PIK3R1: variants seen among roughly 807,000 people sequenced by gnomAD.
The protein encoded by PIK3R1 is phosphoinositide-3-kinase regulatory subunit 1.
In PIK3R1, 29 loss-of-function variants were observed where a neutral mutation model predicts 98.0. The observed-to-expected ratio is 0.30, with a 90% CI of 0.22 to 0.40. The LOEUF (loss-of-function observed/expected upper bound fraction) is 0.40. PIK3R1 is among the 10% of genes least tolerant of loss of function. The pLI, the probability that PIK3R1 is intolerant of heterozygous loss-of-function variation, is 1.00. For missense variants in PIK3R1, 596 were observed against 872.7 expected (o/e 0.68, Z 3.99); for synonymous variants, 282 against 311.8 (o/e 0.90, Z 1.01).
intron 1 of PIK3R1, chr5:68,217,660 G>A (rs1193100016): frequency 6.6e-6 from 1 of 152,008 alleles, no homozygotes; most frequent in East Asian, 1.9e-4. Flanking sequence ...GTGTGCGCGC[G>A]CGTGCCTGCG....
Position 68,293,138 on chromosome 5 carries a change from G to A in PIK3R1, c.1057G>A (p.Gly353Arg), listed in dbSNP as rs766580706. The change falls in exon 9 of 16, where the codon GGG (glycine) becomes AGG (arginine). Residue 353 changes from glycine to arginine, a missense_variant. Physicochemically the swap from Gly to Arg is moderately radical, Grantham distance 125. Coordinates refer to ENST00000521381, the MANE Select transcript of PIK3R1 (RefSeq NM_181523.3). ...VNEKLRDTAD[G>R]TFLVRDASTK... is the part of the protein sequence containing the mutation. ...TGAAAAACTTCGAGATACAGCAGAC[G>A]GGACCTTTTTGGTACGAGATGCGTC... 3.1e-6 allele frequency: 5 copies of A among 1,613,728 alleles called. No individual in the cohort carries two copies. Among genetic ancestry groups the A allele is most frequent in the Non-Finnish European group, 3.4e-6 (4 of 1,179,816 alleles).
chr5:68,234,694 C>A (rs574032386), intron 2 of PIK3R1, among the ~76,000 whole-genome samples: 14 of 152,246 alleles, frequency 9.2e-5, no homozygotes, highest in African/African-American at 3.4e-4. Context: ...CTGAGAGTTC[C>A]TACAGATTTG....
At chr5:68,234,470 G>A (rs570521742) in intron 2 of PIK3R1, among the ~76,000 whole-genome samples, 1 of 152,280 alleles carries the variant, frequency 6.6e-6, no homozygotes, top group East Asian at 1.9e-4. Flanking sequence ...GGATTGTATG[G>A]GATTATTGCT....
chr5:68,257,506 G>A (rs1438048376), intron 2 of PIK3R1, among the ~76,000 whole-genome samples: 2 of 152,228 alleles, frequency 1.3e-5, no homozygotes, highest in African/African-American at 4.8e-5. Flanking sequence ...ACAGCCAGTT[G>A]GGGTGGGGAG....
rs746037555 is a variant in PIK3R1 at position 68,262,897 on chromosome 5, A to ATG, written c.335-10492_335-10491insGT. 2.7e-4 allele frequency among the ~76,000 whole-genome samples: 30 copies of ATG among 112,378 alleles called. 3 individuals are homozygous for ATG. The highest frequency in any genetic ancestry group is 5.6e-4 in the East Asian group (2 of 3,552). 73.7% of individuals were successfully genotyped at this position (112,378 alleles called of 152,430 possible). ...TAGATACATGTAGATACATGTATAC[A>ATG]TATATACATGTAGATACATGTAGAT... On this transcript the variant is annotated intron_variant, in intron 2 of 15. Coordinates refer to ENST00000521381, the MANE Select transcript of PIK3R1 (RefSeq NM_181523.3).
intron 2 of PIK3R1, among the ~76,000 whole-genome samples, chr5:68,236,551 A>G (rs946600629): frequency 1.3e-5 from 2 of 152,286 alleles, no homozygotes; most frequent in South Asian, 2.1e-4. Context: ...GCCTGGCCCT[A>G]TAACCGTTTT....
At chr5:68,239,686 C>T (rs1024546430) in intron 2 of PIK3R1, among the ~76,000 whole-genome samples, 2 of 152,130 alleles carry the variant, frequency 1.3e-5, no homozygotes, top group African/African-American at 4.8e-5. Flanking sequence ...AAAGGGGCGC[C>T]GGGGGTTAAT....
chr5:68,288,725 A>G (rs1282788307), intron 7 of PIK3R1: 5 of 1,612,820 alleles, frequency 3.1e-6, no homozygotes, highest in Non-Finnish European at 4.2e-6. Context: ...TTTCAAAGGG[A>G]AACCGTTGAA....
chr5:68,273,612 C>A, intron 3 of PIK3R1, 130 bp downstream of exon 3: 1 of 798,054 alleles, frequency 1.3e-6, no homozygotes. Flanking sequence ...CTGCTGGACA[C>A]TCAAACTGTT....
intron 1 of PIK3R1, among the ~76,000 whole-genome samples, chr5:68,217,187 G>A (rs958208064): frequency 6.6e-6 from 1 of 152,082 alleles, no homozygotes; most frequent in Non-Finnish European, 1.5e-5. Context: ...TTGTCATTTT[G>A]GTGTGATGAG....
intron 2 of PIK3R1, among the ~76,000 whole-genome samples, chr5:68,268,231 G>A (rs1231066431): frequency 1.3e-5 from 2 of 152,110 alleles, no homozygotes; most frequent in Non-Finnish European, 2.9e-5. Context: ...AGCCTCTTTG[G>A]CTTTAAAGCT....
intron 2 of PIK3R1, among the ~76,000 whole-genome samples, chr5:68,266,615 G>A (rs2431166): frequency 0.29 from 44,737 of 152,064 alleles, 8,136 homozygotes; most frequent in Non-Finnish European, 0.38. Context: ...CACCCTTATT[G>A]CAGATACCTT....
chr5:68,223,076 T>G (rs1744147774), intron 1 of PIK3R1, among the ~76,000 whole-genome samples: 1 of 151,348 alleles, frequency 6.6e-6, no homozygotes, highest in Non-Finnish European at 1.5e-5. Context: ...ATAGTCAGCA[T>G]CATCATATCA....
chr5:68,262,004 A>G (rs1407103249), intron 2 of PIK3R1, among the ~76,000 whole-genome samples: 1 of 152,164 alleles, frequency 6.6e-6, no homozygotes, highest in African/African-American at 2.4e-5. Flanking sequence ...AGTACCCCGC[A>G]GTGATAAATG....
At chr5:68,244,515 G>GCACCCC (rs1561267462) in intron 2 of PIK3R1, among the ~76,000 whole-genome samples, 2 of 11,806 alleles carry the variant, frequency 1.7e-4, no homozygotes, top group Non-Finnish European at 1.3e-4. Context: ...CTCTAGGACC[G>GCACCCC]CCCCCCCGCC....
At chr5:68,227,227 C>T (rs1416733944) in intron 2 of PIK3R1, among the ~76,000 whole-genome samples, 1 of 152,068 alleles carries the variant, frequency 6.6e-6, no homozygotes, top group East Asian at 1.9e-4. Flanking sequence ...ACACAGTATC[C>T]GAGAACCTGT....
chr5:68,256,166 C>G (rs1238519084), intron 2 of PIK3R1, among the ~76,000 whole-genome samples: 2 of 152,184 alleles, frequency 1.3e-5, no homozygotes, highest in Admixed American at 1.3e-4. Flanking sequence ...TCCATTCTGA[C>G]CACCCCACTC....
intron 2 of PIK3R1, among the ~76,000 whole-genome samples, chr5:68,245,772 G>A (rs755530356): frequency 4.6e-5 from 7 of 152,176 alleles, no homozygotes; most frequent in Non-Finnish European, 8.8e-5. Context: ...TTTAGCCACA[G>A]AAAATAAAGA....
chr5:68,217,113 C>G (rs1743914713), intron 1 of PIK3R1, among the ~76,000 whole-genome samples: 1 of 152,032 alleles, frequency 6.6e-6, no homozygotes, highest in Admixed American at 6.6e-5. Context: ...TTCTTTTCCT[C>G]TTTGTCAGCC....
Sources: allele counts gnomAD v4.1 joint callset (sites outside exome capture counted in the v4.1 genomes callset), GRCh38; gene constraint gnomAD v4.1.1; transcripts MANE v1.5; gene names NCBI Gene and HGNC (gene_info 2026-07-23, HGNC 2026-07-21).